The following WSCD1 variants were observed in gnomAD, a reference collection of about 807,000 sequenced individuals.
WSCD1 encodes the protein sialate:O-sulfotransferase 1.
Under a neutral mutation model 60.4 loss-of-function variants are expected in WSCD1, and 41 were observed. The observed-to-expected ratio is 0.68, with a 90% CI of 0.53 to 0.88. WSCD1 has a LOEUF of 0.88. Among genes scored for constraint, WSCD1 ranks in the 40% least tolerant of loss-of-function variants. The pLI is 0.00. For missense variants in WSCD1, 784 were observed against 796.2 expected (o/e 0.98, Z 0.18); for synonymous variants, 361 against 332.5 (o/e 1.09, Z -0.93).
At position 6,080,996 on chromosome 17, in the gene WSCD1, GTCGCCGCTGGTT is replaced by G. The variant is rs1909226066; in HGVS notation, c.339_350del (p.Arg114_Phe117del). ...CGCAACTCGGAGCTGCGTCAGTTGC[GTCGCCGCTGGTT>G]CCACCACTTCATGAGTGACTCCCAG... is the stretch of plus-strand genomic sequence containing the variant. On this transcript the variant is annotated inframe_deletion, in exon 2 of 9. Coordinates refer to ENST00000317744, the MANE Select transcript of WSCD1 (RefSeq NM_015253.2). This position sits in a 1 kb window ranked among gnomAD's most constrained non-coding sequence, Gnocchi z 6.6. 2.6e-6 allele frequency: 4 copies of G among 1,545,568 alleles called. No individual in the cohort carries two copies. The East Asian group carries it at 9.7e-5, about 37-fold the overall frequency.
Position 6,110,801 on chromosome 17 carries a change from C to G in WSCD1, c.1040C>G (p.Pro347Arg). Residue 347 changes from proline (P) to arginine (R), a missense_variant, in exon 7 of 9, where the codon CCT (proline) becomes CGT (arginine). By Grantham distance (103) the Pro-to-Arg change is moderately radical (BLOSUM62 -2). Coordinates refer to ENST00000317744, the MANE Select transcript of WSCD1 (RefSeq NM_015253.2). This position sits in a 1 kb window ranked among gnomAD's most constrained non-coding sequence, Gnocchi z 4.8. ...CGTTGTACAGACAGGAGGTTCCTGC[C>G]TAACAAATCCAAAGTGTTTGTGGCT... Reference protein sequence around the residue: ...DTRCTDRRFLPNKSKVFVALS... With the variant: ...DTRCTDRRFLRNKSKVFVALS... 3.1e-6 allele frequency: 5 copies of G among 1,613,762 alleles called. No individual in the cohort carries two copies. Among genetic ancestry groups the G allele is most frequent in the Non-Finnish European group, 4.2e-6 (5 of 1,179,740 alleles).
Position 6,120,428 on chromosome 17 carries a change from C to T in WSCD1, c.1495C>T (p.Pro499Ser). The T allele has an allele frequency of 1.2e-6, 2 of 1,614,080 alleles. No homozygotes were observed. Among genetic ancestry groups the T allele is most frequent in the Non-Finnish European group, 1.7e-6 (2 of 1,180,024 alleles). ...CGAGGAGCTGCGGCGCAGCCTGGTG[C>T]CCACGTTACGGGAGATGGTGGCCTT... is the stretch of plus-strand genomic sequence containing the variant. ...HYEELRRSLV[P>S]TLREMVAFLN... The change falls in exon 9 of 9, where the codon CCC (proline) becomes TCC (serine). Residue 499 changes from proline (P) to serine (S), a missense_variant. Transcript: ENST00000317744.
chr17:6,114,153 T>TAAAAAAAAAAAAAA (rs370433776), intron 7 of WSCD1, among the ~76,000 whole-genome samples: 1 of 125,202 alleles, frequency 8.0e-6, no homozygotes, highest in Non-Finnish European at 1.6e-5. Flanking sequence ...TAGTTAGCCG[T>TAAAAAAAAAAAAAA]AAAAAAAAAA....
intron 4 of WSCD1, among the ~76,000 whole-genome samples, chr17:6,094,559 G>A (rs1303792512): frequency 6.7e-6 from 1 of 150,316 alleles, no homozygotes; most frequent in Non-Finnish European, 1.5e-5. Context: ...AAAGAAGGAA[G>A]GAAGGAAGGA....
In WSCD1 at chr17:6,120,984, G is replaced by A. The variant is rs1471515645; in HGVS notation, c.*323G>A. On this transcript the variant is annotated 3_prime_UTR_variant, in exon 9 of 9. Coordinates refer to ENST00000317744, the MANE Select transcript of WSCD1 (RefSeq NM_015253.2). The stretch of plus-strand genomic sequence containing the variant: ...CACCCCCAGATACAAATGCAGCCAC[G>A]CACAGACGTAACACACAGGTGCCAG... 2.4e-5 allele frequency: 9 copies of A among 369,454 alleles called. No individual in the cohort carries two copies. Among genetic ancestry groups the A allele is most frequent in the Non-Finnish European group, 3.5e-5 (7 of 199,466 alleles). The allele number at this position is 369,454 out of a possible 1,614,324, so 22.9% of individuals were successfully genotyped here.
Position 6,090,455 on chromosome 17 carries a change from A to G in WSCD1, c.677A>G (p.Asp226Gly), listed in dbSNP as rs775869869. 1 of 1,613,444 alleles carries G rather than the reference A, an allele frequency of 6.2e-7. No homozygotes were observed. The highest frequency in any genetic ancestry group is 1.7e-5 in the Admixed American group (1 of 59,972). ...AAGGGCTCTGTGTGCGGGGCTGTGG[A>G]CCGGCTCTCCGTGTACCGTGTGGAC... ...GEKGSVCGAV[D>G]RLSVYRVDEL... is the part of the protein sequence containing the mutation. Residue 226 changes from aspartate (D) to glycine (G), a missense_variant, in exon 4 of 9, where the codon GAC (aspartate) becomes GGC (glycine). Physicochemically the swap from Asp to Gly is moderately conservative, Grantham distance 94 (BLOSUM62 -1). Coordinates refer to ENST00000317744, the MANE Select transcript of WSCD1 (RefSeq NM_015253.2).
chr17:6,107,385 C>G (rs184548522), intron 5 of WSCD1, among the ~76,000 whole-genome samples: 60 of 152,140 alleles, frequency 3.9e-4, no homozygotes, highest in African/African-American at 1.4e-3. Context: ...CCTGTAATCC[C>G]GGCTATTCAG....
intron 7 of WSCD1, among the ~76,000 whole-genome samples, chr17:6,117,642 A>G (rs550605594): frequency 1.3e-5 from 2 of 152,364 alleles, no homozygotes; most frequent in South Asian, 4.1e-4. Context: ...ATGCTTGTGT[A>G]AAATTATCTC....
chr17:6,098,928 G>A (rs534464969), intron 5 of WSCD1, among the ~76,000 whole-genome samples: 1 of 152,254 alleles, frequency 6.6e-6, no homozygotes, highest in Non-Finnish European at 1.5e-5. Context: ...CAACTTTTGG[G>A]AAGGGTTGGA....
chr17:6,094,837 T>C (rs1910311797), intron 4 of WSCD1, among the ~76,000 whole-genome samples: 1 of 151,346 alleles, frequency 6.6e-6, no homozygotes, highest in Non-Finnish European at 1.5e-5. Flanking sequence ...TATGGAGAAC[T>C]GGCAGAAGCA....
Position 6,108,982 on chromosome 17 carries a change from G to A in WSCD1, c.850-625G>A, listed in dbSNP as rs148605546. On this transcript the variant is annotated intron_variant, in intron 5 of 8. Transcript: ENST00000317744. Reference sequence around the variant, plus strand: ...CCCTTCCATCTTTGGAAAGATGACTGTATGAGAATCTCTGCACCCTGCAGT... The same window carrying A: ...CCCTTCCATCTTTGGAAAGATGACTATATGAGAATCTCTGCACCCTGCAGT... Among the ~76,000 whole-genome samples the A allele has an allele frequency of 2.0e-5, 3 of 152,354 alleles. No homozygotes were observed. The East Asian group carries it at 5.8e-4, about 29-fold the overall frequency.
At position 6,120,774 on chromosome 17, in the gene WSCD1, G is replaced by C; in HGVS notation, c.*113G>C. 2 of 1,136,216 alleles carry C rather than the reference G, an allele frequency of 1.8e-6. No individual in the cohort carries two copies. Among genetic ancestry groups the C allele is most frequent in the Non-Finnish European group, 2.5e-6 (2 of 815,084 alleles). 70.4% of individuals were successfully genotyped at this position (1,136,216 alleles called of 1,614,324 possible). A position where few individuals can be genotyped will look rare whatever the true frequency, so the allele number is the denominator to read the frequency against. ...CTCACTGGGACGAACGGTGGGTGGG[G>C]GGCTCACCCTGGTGCTGCCTCCCGC... On this transcript the variant is annotated 3_prime_UTR_variant, in exon 9 of 9. Transcript: ENST00000317744.
intron 4 of WSCD1, among the ~76,000 whole-genome samples, chr17:6,092,730 C>T (rs1468632823): frequency 6.6e-6 from 1 of 152,200 alleles, no homozygotes; most frequent in Non-Finnish European, 1.5e-5. Context: ...CCAGCCCCAT[C>T]TGCCTGCTCA....
rs796152371 is a variant in WSCD1 at position 6,108,140 on chromosome 17, C to T, written c.850-1467C>T. Among the ~76,000 whole-genome samples, 26 of 152,298 alleles carry T rather than the reference C, an allele frequency of 1.7e-4. 2 individuals are homozygous for T. Among genetic ancestry groups the T allele is most frequent in the African/African-American group, 5.8e-4 (24 of 41,576 alleles). The stretch of plus-strand genomic sequence containing the variant: ...CTCCCTCCAAAGATACCTGCCCTCC[C>T]GCCAATGCCCCAGGCCCTGCGTCAT... On this transcript the variant is annotated intron_variant, in intron 5 of 8. Coordinates refer to ENST00000317744, the MANE Select transcript of WSCD1 (RefSeq NM_015253.2).
At position 6,110,885 on chromosome 17, in the gene WSCD1, C is replaced by CGGCACCTCAT; in HGVS notation, c.1124_1125insGGCACCTCAT (p.Gly376AlafsTer13). The CGGCACCTCAT allele has an allele frequency of 6.2e-7, 1 of 1,613,862 alleles. No individual in the cohort carries two copies. The highest frequency in any genetic ancestry group is 8.5e-7 in the Non-Finnish European group (1 of 1,179,800). The stretch of plus-strand genomic sequence containing the variant: ...GCACGGCACCTCATTGAGCATGCCA[C>CGGCACCTCAT]TGGCTTCTATACAGGGAGCTACTAC... On this transcript the variant is annotated frameshift_variant, in exon 7 of 9. Coordinates refer to ENST00000317744, the MANE Select transcript of WSCD1 (RefSeq NM_015253.2). LOFTEE classifies it high-confidence loss of function. This position sits in a 1 kb window ranked among gnomAD's most constrained non-coding sequence, Gnocchi z 4.8.
intron 1 of WSCD1, among the ~76,000 whole-genome samples, chr17:6,079,356 C>G (rs1909078774): frequency 6.6e-6 from 1 of 152,186 alleles, no homozygotes; most frequent in Non-Finnish European, 1.5e-5. Context: ...GTGCTAAGGG[C>G]TTTGCTCACG....
At chr17:6,072,433 C>G (rs936152952) in intron 1 of WSCD1, among the ~76,000 whole-genome samples, 1 of 152,196 alleles carries the variant, frequency 6.6e-6, no homozygotes, top group African/African-American at 2.4e-5. Context: ...TGGAACCCCT[C>G]CGAGCAGGGC....
rs1243158776 is a variant in WSCD1, at chr17:6,123,259, A to T, written c.*2598A>T. ...TCTACAGATTCCAACTTTAATAGCA[A>T]GCCTGTGGAGTTACACAAACCTGTG... On this transcript the variant is annotated 3_prime_UTR_variant, in exon 9 of 9. Coordinates refer to ENST00000317744, the MANE Select transcript of WSCD1 (RefSeq NM_015253.2). The T allele has an allele frequency of 6.6e-6, 1 of 152,220 alleles. No individual in the cohort carries two copies. The highest frequency in any genetic ancestry group is 2.4e-5 in the African/African-American group (1 of 41,448). 9.4% of individuals were successfully genotyped at this position (152,220 alleles called of 1,614,324 possible).
rs1163261012 is a variant in WSCD1 at position 6,120,459 on chromosome 17, A to G, written c.1526A>G (p.Asn509Ser). Residue 509 changes from asparagine (N) to serine (S), a missense_variant, in exon 9 of 9, where the codon AAC becomes AGC. By Grantham distance (46) the Asn-to-Ser change is conservative. Transcript: ENST00000317744. ...PTLREMVAFL[N>S]VSVSEERLLC... ...TTACGGGAGATGGTGGCCTTCCTCA[A>G]CGTGTCTGTGAGCGAGGAGCGGCTG... The G allele has an allele frequency of 1.9e-6, 3 of 1,613,988 alleles. No individual in the cohort carries two copies. Among genetic ancestry groups the G allele is most frequent in the Non-Finnish European group, 2.5e-6 (3 of 1,179,962 alleles).
Sources: gnomAD v4.1 joint callset for allele counts (sites outside exome capture counted in the v4.1 genomes callset) on GRCh38, gnomAD v4.1.1 for gene constraint, Gnocchi (gnomAD v3.1) non-coding constraint, MANE v1.5 for transcripts, NCBI Gene and HGNC (gene_info 2026-07-23, HGNC 2026-07-21) for gene names.